ADAM32: variants seen among roughly 807,000 people sequenced by gnomAD.
ADAM32 encodes the protein disintegrin and metalloproteinase domain-containing protein 32.
A neutral mutation model predicts 114.9 loss-of-function variants in ADAM32; 89 were observed. That is an observed-to-expected ratio of 0.77 (90% CI 0.65 to 0.92). The LOEUF is 0.92. Ranked by LOEUF, ADAM32 falls within the 40% of genes least tolerant of loss-of-function variation. The pLI is 0.00. For missense variants in ADAM32, 870 were observed against 932.8 expected, an observed-to-expected ratio of 0.93 and a Z score of 0.88; for synonymous variants, 285 against 307.5, an observed-to-expected ratio of 0.93 and a Z score of 0.77.
At chr8:39,178,736 T>C (rs1805667080) in intron 10 of ADAM32, among the ~76,000 whole-genome samples, 1 of 152,208 alleles carries the variant, frequency 6.6e-6, no homozygotes, top group Non-Finnish European at 1.5e-5. Context: ...GATGTTATTG[T>C]TGTGGCTTTC....
At chr8:39,173,927 C>T (rs770400061) in intron 10 of ADAM32, among the ~76,000 whole-genome samples, 7 of 152,084 alleles carry the variant, frequency 4.6e-5, no homozygotes, top group Admixed American at 2.0e-4. Context: ...AAGGTTCAAG[C>T]GATTCTCTTG....
chr8:39,107,596 C>T (rs1332256545), upstream of ADAM32: 3 of 1,416,458 alleles, frequency 2.1e-6, no homozygotes, highest in African/African-American at 4.4e-5. Context: ...CCTCGGGGCG[C>T]ACGCTGCGGG....
At chr8:39,262,723 CCTTT>C (rs922638972) in intron 19 of ADAM32, among the ~76,000 whole-genome samples, 5 of 150,932 alleles carry the variant, frequency 3.3e-5, no homozygotes, top group Non-Finnish European at 7.4e-5. Context: ...TTCCTTCCAT[CCTTT>C]CTTTTTCTCT....
intron 23 of ADAM32, 33 bp from the exon 24 acceptor site, chr8:39,283,553 C>T (rs1489220085): frequency 6.5e-7 from 1 of 1,536,102 alleles, no homozygotes; most frequent in Admixed American, 1.8e-5. Flanking sequence ...TGTATTATAT[C>T]AGCCTAAAAA....
chr8:39,254,385 A>T (rs1811503459), intron 17 of ADAM32, 29 bp from the exon 18 acceptor site: 1 of 1,492,860 alleles, frequency 6.7e-7, no homozygotes, highest in Non-Finnish European at 9.2e-7. Flanking sequence ...ATTTTAAAAC[A>T]ATCATTTAAT....
At chr8:39,274,080 C>T (rs1812918957) in intron 20 of ADAM32, among the ~76,000 whole-genome samples, 2 of 152,090 alleles carry the variant, frequency 1.3e-5, no homozygotes, top group South Asian at 2.1e-4. Flanking sequence ...TTTTTGGATA[C>T]TCTCCTCATT....
At chr8:39,258,115 GGTTT>G (rs1811776266) in intron 19 of ADAM32, among the ~76,000 whole-genome samples, 1 of 150,960 alleles carries the variant, frequency 6.6e-6, no homozygotes, top group African/African-American at 2.4e-5. Flanking sequence ...TTTCAATTTT[GGTTT>G]GTTTGTTTTG....
chr8:39,222,314 T>G (rs1809026927), intron 13 of ADAM32, among the ~76,000 whole-genome samples: 1 of 152,076 alleles, frequency 6.6e-6, no homozygotes, highest in Non-Finnish European at 1.5e-5. Context: ...TTATCCGTAA[T>G]GCAGTCTACC....
intron 4 of ADAM32, 29 bp from the exon 5 acceptor site, chr8:39,149,762 G>C: frequency 2.6e-6 from 4 of 1,525,038 alleles, no homozygotes; most frequent in Non-Finnish European, 3.6e-6. Context: ...TACTTCCTAA[G>C]TGACTACTTT....
At chr8:39,252,707 A>G (rs927156057) in intron 17 of ADAM32, among the ~76,000 whole-genome samples, 1 of 151,516 alleles carries the variant, frequency 6.6e-6, no homozygotes, top group Admixed American at 6.6e-5. Flanking sequence ...AAGAAATAAG[A>G]CTCAAAATCA....
intron 2 of ADAM32, among the ~76,000 whole-genome samples, chr8:39,136,249 A>G (rs770519793): frequency 3.1e-4 from 47 of 152,212 alleles, no homozygotes; most frequent in Admixed American, 9.8e-4. Context: ...CAGACAATAC[A>G]TCTTAGGAGG....
At chr8:39,181,630 C>T (rs756069851) in intron 10 of ADAM32, among the ~76,000 whole-genome samples, 12 of 152,060 alleles carry the variant, frequency 7.9e-5, no homozygotes, top group African/African-American at 2.9e-4. Flanking sequence ...ATATTTTTGC[C>T]AAGTCATTAT....
chr8:39,151,661 TG>T, intron 6 of ADAM32, 113 bp downstream of exon 6: 1 of 785,492 alleles, frequency 1.3e-6, no homozygotes, highest in South Asian at 3.0e-5. Context: ...ATCCTTTCCT[TG>T]TGAACATCTT....
At chr8:39,142,214 T>C (rs1377435172) in intron 3 of ADAM32, among the ~76,000 whole-genome samples, 2 of 152,232 alleles carry the variant, frequency 1.3e-5, no homozygotes, top group Non-Finnish European at 2.9e-5. Context: ...TTATGGTTAA[T>C]ATTGTTATGT....
intron 11 of ADAM32, among the ~76,000 whole-genome samples, chr8:39,196,028 T>C (rs1806960802): frequency 2.0e-5 from 3 of 152,194 alleles, no homozygotes; most frequent in Admixed American, 6.5e-5. Context: ...TATCTCTGTT[T>C]CGTAGTTTTT....
intron 11 of ADAM32, among the ~76,000 whole-genome samples, chr8:39,190,664 G>A (rs909268297): frequency 2.6e-5 from 4 of 152,112 alleles, no homozygotes; most frequent in African/African-American, 7.2e-5. Context: ...ATATTTTTTC[G>A]TGTCAGAAAA....
intron 4 of ADAM32, among the ~76,000 whole-genome samples, 193 bp from the exon 5 acceptor site, chr8:39,149,598 A>C (rs1803697584): frequency 6.6e-6 from 1 of 152,202 alleles, no homozygotes; most frequent in South Asian, 2.1e-4. Context: ...ATAATCTATT[A>C]TAAAGTGTAG....
intron 11 of ADAM32, among the ~76,000 whole-genome samples, chr8:39,207,988 A>G (rs1403881531): frequency 3.9e-5 from 6 of 152,174 alleles, no homozygotes; most frequent in Non-Finnish European, 8.8e-5. Flanking sequence ...GGGCATTTAG[A>G]TTAATTTCAT....
chr8:39,131,726 T>C (rs1012132111), intron 2 of ADAM32, among the ~76,000 whole-genome samples: 1 of 152,204 alleles, frequency 6.6e-6, no homozygotes, highest in East Asian at 1.9e-4. Flanking sequence ...CGTCCTTCTT[T>C]CTTTCTGATA....
Sources: gnomAD v4.1 joint callset for allele counts (sites outside exome capture counted in the v4.1 genomes callset) on GRCh38, gnomAD v4.1.1 for gene constraint, MANE v1.5 for transcripts, NCBI Gene and HGNC (gene_info 2026-07-23, HGNC 2026-07-21) for gene names.